Variants in CHKA observed in about 807,000 individuals in gnomAD.
CHKA encodes choline kinase alpha.
Under a neutral mutation model 60.1 loss-of-function variants are expected in CHKA, and 34 were observed. The ratio of observed to expected loss-of-function variants is 0.57; its 90% CI spans 0.43 to 0.75. CHKA has a LOEUF of 0.75. Among genes scored for constraint, CHKA ranks in the 30% least tolerant of loss-of-function variants. CHKA has a pLI of 0.00. For synonymous variants in CHKA, 217 were observed against 223.1 expected (o/e 0.97, Z 0.24); for missense variants, 563 against 561.3 (o/e 1.00, Z -0.03).
Position 68,120,926 on chromosome 11 carries a change from C to T in CHKA, c.252G>A (p.Glu84=). 1 of 1,201,236 alleles carries T rather than the reference C, an allele frequency of 8.3e-7. No homozygotes were observed. The highest frequency in any genetic ancestry group is 1.0e-6 in the Non-Finnish European group (1 of 960,538). 74.4% of individuals were successfully genotyped at this position (1,201,236 alleles called of 1,614,324 possible). The part of the protein sequence containing the change: ...PPQPPADEQP[E]PRTRRRAYLW... The stretch of plus-strand genomic sequence containing the variant: ...GATAGGCCCTGCGCCGCGTCCGGGG[C>T]TCCGGCTGCTCGTCTGCGGGCGGCT... Residue 84 remains glutamate, a synonymous_variant, in exon 1 of 12, where the codon GAG becomes GAA. Transcript: ENST00000265689.
chr11:68,093,316 T>A (rs1456055053), intron 2 of CHKA, among the ~76,000 whole-genome samples: 2 of 152,132 alleles, frequency 1.3e-5, no homozygotes, highest in Non-Finnish European at 2.9e-5. Context: ...TCCCTTTCTA[T>A]CCAAGGTGCT....
rs184674756 is a variant in CHKA at position 68,114,810 on chromosome 11, A to G, written c.350+6018T>C. ...AAGACTTACATACTGTGTGATTCCA[A>G]TTCTATGACATTCTGGAAAAGGAAA... On this transcript the variant is annotated intron_variant, in intron 1 of 11. Transcript: ENST00000265689. 1.4e-4 allele frequency among the ~76,000 whole-genome samples: 21 copies of G among 152,202 alleles called. No individual in the cohort carries two copies. In the East Asian group the frequency reaches 3.7e-3, roughly 27 times the overall value.
intron 11 of CHKA, among the ~76,000 whole-genome samples, chr11:68,056,331 T>G (rs1444458262): frequency 6.6e-6 from 1 of 152,156 alleles, no homozygotes; most frequent in Non-Finnish European, 1.5e-5. Flanking sequence ...CTGCCGTCCT[T>G]TCACCTGCCC....
At chr11:68,102,306 CA>C (rs1445458327) in intron 1 of CHKA, among the ~76,000 whole-genome samples, 1 of 152,076 alleles carries the variant, frequency 6.6e-6, no homozygotes, top group Non-Finnish European at 1.5e-5. Flanking sequence ...CTAACTTCAA[CA>C]TATACTACAA....
intron 1 of CHKA, among the ~76,000 whole-genome samples, chr11:68,097,904 T>C (rs977212921): frequency 3.6e-4 from 55 of 152,142 alleles, no homozygotes; most frequent in Non-Finnish European, 6.9e-4. Context: ...CTCGAGTCCC[T>C]GCTTGTAACT....
chr11:68,075,218 G>A (rs1032764988), intron 3 of CHKA, among the ~76,000 whole-genome samples: 1 of 152,002 alleles, frequency 6.6e-6, no homozygotes. Flanking sequence ...GGGTTGATTT[G>A]CTTTTGGTTG....
At chr11:68,099,233 T>A (rs1857617523) in intron 1 of CHKA, among the ~76,000 whole-genome samples, 1 of 152,228 alleles carries the variant, frequency 6.6e-6, no homozygotes, top group Admixed American at 6.5e-5. Flanking sequence ...GAAAATGTTC[T>A]AAAACTGACT....
chr11:68,090,129 A>G (rs1236401404), intron 2 of CHKA, among the ~76,000 whole-genome samples: 1 of 152,220 alleles, frequency 6.6e-6, no homozygotes, highest in Non-Finnish European at 1.5e-5. Context: ...TTATCAAAAG[A>G]AGGCACCAAA....
At chr11:68,092,466 G>T (rs1338948901) in intron 2 of CHKA, among the ~76,000 whole-genome samples, 1 of 152,136 alleles carries the variant, frequency 6.6e-6, no homozygotes, top group Non-Finnish European at 1.5e-5. Flanking sequence ...CTTTAAAGCT[G>T]ATTTGAAAAT....
intron 1 of CHKA, among the ~76,000 whole-genome samples, chr11:68,097,362 C>T (rs1438996903): frequency 1.3e-5 from 2 of 152,106 alleles, no homozygotes; most frequent in African/African-American, 4.8e-5. Context: ...GGGCCGGGCA[C>T]GGTGGCTCAC....
intron 10 of CHKA, among the ~76,000 whole-genome samples, chr11:68,063,022 T>C (rs1364679764): frequency 6.6e-6 from 1 of 152,176 alleles, no homozygotes; most frequent in South Asian, 2.1e-4. Context: ...ACTAAAGAGA[T>C]GGACAAATAG....
intron 1 of CHKA, among the ~76,000 whole-genome samples, chr11:68,106,570 G>C (rs1176333803): frequency 6.6e-6 from 1 of 151,412 alleles, no homozygotes; most frequent in Non-Finnish European, 1.5e-5. Context: ...AAAAAGACCA[G>C]TCCAGCCCAG....
Position 68,120,990 on chromosome 11 carries a change from A to AGCGGCG in CHKA, c.182_187dup (p.Pro61_Pro62dup), listed in dbSNP as rs1025633678. 4.2e-4 allele frequency: 471 copies of AGCGGCG among 1,115,312 alleles called. No individual in the cohort carries two copies. The highest frequency in any genetic ancestry group is 5.0e-4 in the Non-Finnish European group (456 of 913,348). The allele number at this position is 1,115,312 out of a possible 1,614,324, so 69.1% of individuals were successfully genotyped here. A position where few individuals can be genotyped will look rare whatever the true frequency, so the allele number is the denominator to read the frequency against. ...CTGGGGCAGCGGCAGCGGCAGCGGC[A>AGCGGCG]GCGGCGGCGGAGGGGGCAGCGCGAG... On this transcript the variant is annotated inframe_insertion, in exon 1 of 12. Coordinates refer to ENST00000265689, the MANE Select transcript of CHKA (RefSeq NM_001277.3).
intron 6 of CHKA, among the ~76,000 whole-genome samples, chr11:68,069,730 G>A (rs1344330405): frequency 2.7e-4 from 41 of 151,850 alleles, no homozygotes; most frequent in Non-Finnish European, 1.5e-5. Flanking sequence ...GTACAGATGT[G>A]AGTGGCCTGC....
In CHKA at chr11:68,107,565, T is replaced by A. The variant is rs1445144933; in HGVS notation, c.351-10435A>T. On this transcript the variant is annotated intron_variant, in intron 1 of 11. Coordinates refer to ENST00000265689, the MANE Select transcript of CHKA (RefSeq NM_001277.3). The stretch of plus-strand genomic sequence containing the variant: ...CCTATCTCCCAAATTCTCTCCTCCT[T>A]TCCATTCTCAATGCTCCTGCCCAAA... Among the ~76,000 whole-genome samples, 3 of 152,016 alleles carry A rather than the reference T, an allele frequency of 2.0e-5. No homozygotes were observed. The East Asian group carries it at 5.8e-4, about 29-fold the overall frequency.
At chr11:68,085,452 C>G (rs915873666) in intron 2 of CHKA, among the ~76,000 whole-genome samples, 2 of 151,874 alleles carry the variant, frequency 1.3e-5, no homozygotes, top group Non-Finnish European at 2.9e-5. Flanking sequence ...AATTCCTGAG[C>G]TCAAGTGATC....
At chr11:68,106,936 A>T (rs1171240266) in intron 1 of CHKA, among the ~76,000 whole-genome samples, 6 of 152,246 alleles carry the variant, frequency 3.9e-5, no homozygotes, top group Non-Finnish European at 8.8e-5. Context: ...TGCCAGCTGT[A>T]CTACCACCAA....
chr11:68,054,929 C>T (rs931754511), intron 11 of CHKA, among the ~76,000 whole-genome samples: 10 of 152,208 alleles, frequency 6.6e-5, no homozygotes, highest in Admixed American at 2.0e-4. Context: ...TATGCAGCCT[C>T]GTGTCTGGCT....
At chr11:68,106,976 G>T (rs569989818) in intron 1 of CHKA, among the ~76,000 whole-genome samples, 1 of 152,066 alleles carries the variant, frequency 6.6e-6, no homozygotes, top group Admixed American at 6.6e-5. Flanking sequence ...ATGTTCGGCC[G>T]GGCATGGTGG....
Sources: gnomAD v4.1 joint callset for allele counts (sites outside exome capture counted in the v4.1 genomes callset) on GRCh38, gnomAD v4.1.1 for gene constraint, MANE v1.5 for transcripts, NCBI Gene and HGNC (gene_info 2026-07-23, HGNC 2026-07-21) for gene names.